The following ATXN1 variants were observed in gnomAD, a reference collection of about 807,000 sequenced individuals.
ATXN1 encodes ataxin-1.
Under a neutral mutation model 56.4 loss-of-function variants are expected in ATXN1, and 8 were observed. The ratio of observed to expected loss-of-function variants is 0.14; its 90% CI spans 0.08 to 0.26. ATXN1 has a LOEUF of 0.26. Among genes scored for constraint, ATXN1 ranks in the 10% least tolerant of loss-of-function variants. The pLI is 1.00. For missense variants in ATXN1, 987 were observed against 1,106.5 expected (o/e 0.89, Z 1.53); for synonymous variants, 514 against 494.6 (o/e 1.04, Z -0.52).
At chr6:16,383,682 C>T (rs751750019) in intron 6 of ATXN1, among the ~76,000 whole-genome samples, 3 of 152,128 alleles carry the variant, frequency 2.0e-5, no homozygotes, top group African/African-American at 4.8e-5. Context: ...GGGACAAAAA[C>T]GGGTAAGACA....
intron 7 of ATXN1, among the ~76,000 whole-genome samples, chr6:16,322,315 T>G (rs1195471118): frequency 6.6e-6 from 1 of 151,884 alleles, no homozygotes; most frequent in Non-Finnish European, 1.5e-5. Flanking sequence ...CTCAGAGAGG[T>G]GAAGTAACTT....
chr6:16,306,327 C>T lies in ATXN1; in HGVS notation c.*2G>A. 6.3e-7 allele frequency: 1 copy of T among 1,597,380 alleles called. No individual in the cohort carries two copies. Among genetic ancestry groups the T allele is most frequent in the Non-Finnish European group, 8.5e-7 (1 of 1,171,864 alleles). ...CCACGTTTCCTTTCCCCCACGCTGCCTCTACTTGCCTACATTAGACCGGCC... is the reference window on the plus strand; with the variant it reads ...CCACGTTTCCTTTCCCCCACGCTGCTTCTACTTGCCTACATTAGACCGGCC... On this transcript the variant is annotated 3_prime_UTR_variant, in exon 8 of 8. Coordinates refer to ENST00000436367, the MANE Select transcript of ATXN1 (RefSeq NM_001128164.2). This position sits in a 1 kb window ranked among gnomAD's most constrained non-coding sequence, Gnocchi z 5.2.
intron 5 of ATXN1, among the ~76,000 whole-genome samples, chr6:16,522,065 G>A (rs1758145645): frequency 6.6e-6 from 1 of 152,146 alleles, no homozygotes; most frequent in Non-Finnish European, 1.5e-5. Flanking sequence ...CTTGTGCAGG[G>A]CAAACATCAT....
intron 3 of ATXN1, among the ~76,000 whole-genome samples, chr6:16,618,684 T>C (rs2113798502): frequency 7.2e-6 from 1 of 138,748 alleles, no homozygotes; most frequent in South Asian, 2.2e-4. Flanking sequence ...ATCGTGCCAC[T>C]GCACTGCAGC....
chr6:16,727,113 A>C (rs577640689), intron 2 of ATXN1, among the ~76,000 whole-genome samples: 12 of 152,316 alleles, frequency 7.9e-5, no homozygotes, highest in Non-Finnish European at 1.6e-4. Flanking sequence ...GTGGTTACAA[A>C]CATAAATAAG....
rs116457971 is a variant in ATXN1 at position 16,613,437 on chromosome 6, A to G, written c.-488-27530T>C. ...GCTAATCTTAAGTTTCAGAGAACAA[A>G]CCAAATTAAAAATAAGAAGTGGAAT... is the stretch of plus-strand genomic sequence containing the variant. On this transcript the variant is annotated intron_variant, in intron 3 of 7. Coordinates refer to ENST00000436367, the MANE Select transcript of ATXN1 (RefSeq NM_001128164.2). Among the ~76,000 whole-genome samples, 498 of 152,144 alleles carry G rather than the reference A, an allele frequency of 3.3e-3. 1 individual carries two copies. The highest frequency in any genetic ancestry group is 0.011 in the African/African-American group (468 of 41,538).
At chr6:16,434,259 A>G (rs1047682086) in intron 6 of ATXN1, among the ~76,000 whole-genome samples, 16 of 152,182 alleles carry the variant, frequency 1.1e-4, no homozygotes, top group African/African-American at 3.9e-4. Flanking sequence ...CCACTATTAA[A>G]GAAAAGAGAT....
intron 6 of ATXN1, among the ~76,000 whole-genome samples, chr6:16,472,358 T>A (rs890021282): frequency 1.3e-5 from 2 of 152,228 alleles, no homozygotes; most frequent in Admixed American, 1.3e-4. Flanking sequence ...CAGTCACCTA[T>A]AAAGCTGAGC....
chr6:16,496,558 T>A (rs1760784807), intron 5 of ATXN1, among the ~76,000 whole-genome samples: 1 of 152,130 alleles, frequency 6.6e-6, no homozygotes, highest in Non-Finnish European at 1.5e-5. Flanking sequence ...CACTGCATCA[T>A]GAAGGACCCT....
intron 5 of ATXN1, among the ~76,000 whole-genome samples, chr6:16,516,651 G>A (rs1761188835): frequency 6.6e-6 from 1 of 152,204 alleles, no homozygotes; most frequent in Non-Finnish European, 1.5e-5. Flanking sequence ...AAAGTTTAGG[G>A]TTGACCTTTC....
intron 4 of ATXN1, among the ~76,000 whole-genome samples, chr6:16,580,561 G>A (rs1418339265): frequency 6.6e-6 from 1 of 152,110 alleles, no homozygotes; most frequent in Non-Finnish European, 1.5e-5. Flanking sequence ...TTTCTAATGT[G>A]TTTTAAGAGT....
chr6:16,317,498 T>C (rs1224421066), intron 7 of ATXN1, among the ~76,000 whole-genome samples: 1 of 152,120 alleles, frequency 6.6e-6, no homozygotes, highest in Non-Finnish European at 1.5e-5. Flanking sequence ...CTAATTTTTT[T>C]GTATTTAGTA....
chr6:16,387,176 G>A (rs568942492), intron 6 of ATXN1, among the ~76,000 whole-genome samples: 3 of 152,174 alleles, frequency 2.0e-5, no homozygotes, highest in Middle Eastern at 6.8e-3. Flanking sequence ...GGAGATCAAT[G>A]ACTCAATGGT....
At chr6:16,543,186 G>A (rs376582982) in intron 4 of ATXN1, among the ~76,000 whole-genome samples, 2 of 152,240 alleles carry the variant, frequency 1.3e-5, no homozygotes. Context: ...CTCTGGCCTG[G>A]GTCCCGCTCA....
intron 7 of ATXN1, among the ~76,000 whole-genome samples, chr6:16,316,863 G>T (rs1268586898): frequency 5.9e-5 from 5 of 84,240 alleles, no homozygotes; most frequent in South Asian, 4.8e-4. Flanking sequence ...GAGACTGCCT[G>T]TCTTTTTTTT....
chr6:16,750,238 C>T (rs1430898179), intron 2 of ATXN1: 4 of 152,218 alleles, frequency 2.6e-5, no homozygotes, highest in Admixed American at 6.5e-5. Flanking sequence ...AAATAACTGC[C>T]TTCCGGTAGC....
intron 2 of ATXN1, among the ~76,000 whole-genome samples, chr6:16,659,650 T>G (rs1267659893): frequency 6.6e-6 from 1 of 152,206 alleles, no homozygotes; most frequent in Non-Finnish European, 1.5e-5. Flanking sequence ...GGATTCTGGG[T>G]TCAACCACTC....
rs1206561307 is a variant in ATXN1 at position 16,761,443 on chromosome 6, C to T, written c.-875G>A. On this transcript the variant is annotated 5_prime_UTR_variant, in exon 1 of 8. Coordinates refer to ENST00000436367, the MANE Select transcript of ATXN1 (RefSeq NM_001128164.2). ...CAGTGAAACAGGTCCTGTACGGCTC[C>T]GCCACTGTAGTAGAAATGATGTCTG... The T allele has an allele frequency of 2.2e-6, 1 of 456,864 alleles. No individual in the cohort carries two copies. The highest frequency in any genetic ancestry group is 4.4e-6 in the Non-Finnish European group (1 of 226,902). The allele number at this position is 456,864 out of a possible 1,614,324, so 28.3% of individuals were successfully genotyped here.
intron 2 of ATXN1, among the ~76,000 whole-genome samples, chr6:16,711,561 T>C (rs952490596): frequency 4.7e-5 from 7 of 148,556 alleles, no homozygotes; most frequent in South Asian, 4.4e-4. Context: ...CATATATATA[T>C]ACACACATAT....
Sources: allele counts gnomAD v4.1 joint callset (sites outside exome capture counted in the v4.1 genomes callset), GRCh38; gene constraint gnomAD v4.1.1; non-coding constraint Gnocchi (gnomAD v3.1); transcripts MANE v1.5; gene names NCBI Gene and HGNC (gene_info 2026-07-23, HGNC 2026-07-21).